Variants in ATP2C2 observed in about 807,000 individuals in gnomAD.
The protein encoded by ATP2C2 is ATPase secretory pathway Ca2+ transporting 2, also known as calcium-transporting ATPase type 2C member 2.
ATP2C2 carries 171 observed loss-of-function variants against 110.8 expected under a neutral mutation model. The ratio of observed to expected loss-of-function variants is 1.54; its 90% CI spans 1.36 to 1.75. ATP2C2 has a LOEUF of 1.75. Among genes scored for constraint, ATP2C2 ranks in the 40% most tolerant of loss-of-function variants. ATP2C2 has a pLI of 0.00. For synonymous variants in ATP2C2, 804 were observed against 508.4 expected (o/e 1.58, Z -7.82); for missense variants, 1,963 against 1,235.0 (o/e 1.59, Z -8.84).
Position 84,436,368 on chromosome 16 carries a change from C to T in ATP2C2, c.987-2798C>T, listed in dbSNP as rs112161990. On this transcript the variant is annotated intron_variant, in intron 11 of 26. Transcript: ENST00000262429. ...GAGGGCCTGGGCTCTGGGATCGCCACGTGGGCTTGCTCGCCCTGGCCGATT... is the reference window on the plus strand; with the variant it reads ...GAGGGCCTGGGCTCTGGGATCGCCATGTGGGCTTGCTCGCCCTGGCCGATT... Among the ~76,000 whole-genome samples the T allele has an allele frequency of 6.6e-3, 1,003 of 152,218 alleles. 13 individuals carry two copies. The highest frequency in any genetic ancestry group is 0.023 in the African/African-American group (962 of 41,538).
At chr16:84,448,785 C>T (rs1197992680) in intron 17 of ATP2C2, 96 bp downstream of exon 17, 8 of 1,482,508 alleles carry the variant, frequency 5.4e-6, no homozygotes, top group South Asian at 2.7e-5. Flanking sequence ...GGAGGTCACC[C>T]GTCCCAAGGA....
At chr16:84,427,070 G>A (rs555089649) in intron 11 of ATP2C2, among the ~76,000 whole-genome samples, 56 of 152,298 alleles carry the variant, frequency 3.7e-4, no homozygotes, top group African/African-American at 1.0e-3. Flanking sequence ...GCCAGGACAC[G>A]GAGGAACCAA....
intron 1 of ATP2C2, among the ~76,000 whole-genome samples, chr16:84,375,380 A>G (rs1910191578): frequency 6.6e-6 from 1 of 152,138 alleles, no homozygotes; most frequent in South Asian, 2.1e-4. Context: ...CGTCTCTACT[A>G]AAAATACAAA....
intron 1 of ATP2C2, among the ~76,000 whole-genome samples, chr16:84,394,068 T>G (rs1247845141): frequency 6.6e-6 from 1 of 151,522 alleles, no homozygotes; most frequent in Admixed American, 6.6e-5. Context: ...AGTCCTAGCT[T>G]CTCAGGAGGC....
chr16:84,408,286 T>A, intron 3 of ATP2C2, 119 bp from the exon 4 acceptor site: 1 of 926,202 alleles, frequency 1.1e-6, no homozygotes, highest in Non-Finnish European at 1.7e-6. Context: ...CACCATGGTG[T>A]TGACCTGGAA....
At chr16:84,449,235 T>C (rs988038587) in intron 17 of ATP2C2, among the ~76,000 whole-genome samples, 2 of 152,216 alleles carry the variant, frequency 1.3e-5, no homozygotes, top group East Asian at 3.8e-4. Flanking sequence ...TGGGTTGGCC[T>C]TACTGGCTCA....
At chr16:84,412,420 A>G (rs112788405) in intron 6 of ATP2C2, among the ~76,000 whole-genome samples, 62 of 76,524 alleles carry the variant, frequency 8.1e-4, no homozygotes, top group Admixed American at 1.2e-3. Context: ...GTGTCTGTGT[A>G]TGTGTGTGCG....
chr16:84,408,489 G>A lies in ATP2C2; in HGVS notation c.412G>A (p.Ala138Thr), dbSNP rs78371901. The A allele has an allele frequency of 3.8e-3, 6,146 of 1,612,442 alleles. 31 individuals carry two copies. Among genetic ancestry groups the A allele is most frequent in the Admixed American group, 0.015 (880 of 59,994 alleles). ...TKEYEDAVSI[A>T]TAVLVVVTVA... Reference sequence around the variant, plus strand: ...GGAGTATGAGGACGCCGTCAGCATCGCCACGGTGAGTTCCCTGACAGCGCT... The same window carrying A: ...GGAGTATGAGGACGCCGTCAGCATCACCACGGTGAGTTCCCTGACAGCGCT... Residue 138 changes from alanine (A) to threonine (T), a missense_variant, in exon 4 of 27, where the codon GCC becomes ACC. Ala to Thr is a moderately conservative substitution (Grantham distance 58). Coordinates refer to ENST00000262429, the MANE Select transcript of ATP2C2 (RefSeq NM_014861.4).
intron 10 of ATP2C2, among the ~76,000 whole-genome samples, chr16:84,425,232 G>A (rs183129502): frequency 5.4e-4 from 82 of 152,204 alleles, no homozygotes; most frequent in African/African-American, 1.4e-3. Context: ...TCACACCTCC[G>A]TGTCTCGTAC....
Position 84,425,796 on chromosome 16 carries a change from G to T in ATP2C2, c.981G>T (p.Gly327=). The change falls in exon 11 of 27, where the codon GGG becomes GGT. Residue 327 remains glycine (G), a synonymous_variant. Transcript: ENST00000262429. Reference sequence around the variant, plus strand: ...AACTCCTGAGTATGTTCACGATCGGGGTCAGGTAAGAGTGCTATGGCCGCC... The same window carrying T: ...AACTCCTGAGTATGTTCACGATCGGTGTCAGGTAAGAGTGCTATGGCCGCC... The part of the protein sequence containing the change: ...GKQLLSMFTI[G]VSLAVAAIPE... The T allele has an allele frequency of 1.2e-6, 2 of 1,614,034 alleles. No homozygotes were observed. Among genetic ancestry groups the T allele is most frequent in the South Asian group, 1.1e-5 (1 of 91,082 alleles).
intron 24 of ATP2C2, chr16:84,461,502 C>T (rs1911333495): frequency 3.2e-6 from 2 of 617,742 alleles, no homozygotes; most frequent in Non-Finnish European, 2.9e-6. Flanking sequence ...CTGCCCCCAT[C>T]CTCATGGTGG....
At chr16:84,387,041 G>A (rs1904351790) in intron 1 of ATP2C2, among the ~76,000 whole-genome samples, 1 of 152,162 alleles carries the variant, frequency 6.6e-6, no homozygotes, top group Non-Finnish European at 1.5e-5. Flanking sequence ...TGTGGGCAGT[G>A]GGGTTGGGGG....
chr16:84,410,960 C>G lies in ATP2C2; in HGVS notation c.515+195C>G, dbSNP rs552286286. ...TCCTCGGGCATGTCACTCAACCTCT[C>G]TGGGCCTCAGCTCCATCATCAGTGT... On this transcript the variant is annotated intron_variant, in intron 6 of 26. Coordinates refer to ENST00000262429, the MANE Select transcript of ATP2C2 (RefSeq NM_014861.4). 2.6e-4 allele frequency: 161 copies of G among 613,314 alleles called. 2 individuals carry two copies. Among genetic ancestry groups the G allele is most frequent in the African/African-American group, 2.5e-3 (136 of 54,536 alleles). The allele number at this position is 613,314 out of a possible 1,614,324, so 38.0% of individuals were successfully genotyped here.
chr16:84,397,670 AAAAC>A (rs1905079279), intron 1 of ATP2C2, among the ~76,000 whole-genome samples: 1 of 145,794 alleles, frequency 6.9e-6, no homozygotes, highest in African/African-American at 2.5e-5. Context: ...AAAAAAAAAA[AAAAC>A]TTGCTTAAAA....
In ATP2C2 at chr16:84,461,823, G is replaced by T; in HGVS notation, c.2580+11G>T. 4.3e-6 allele frequency: 7 copies of T among 1,612,842 alleles called. No homozygotes were observed. The highest frequency in any genetic ancestry group is 5.9e-6 in the Non-Finnish European group (7 of 1,178,802). On this transcript the variant is annotated intron_variant, in intron 25 of 26. Transcript: ENST00000262429. ...ACCTGCCGCTCTCAGGTGAGACCCGGGCTGACCCTCCTCGCTGCAGAGCTG... is the reference window on the plus strand; with the variant it reads ...ACCTGCCGCTCTCAGGTGAGACCCGTGCTGACCCTCCTCGCTGCAGAGCTG...
At position 84,463,989 on chromosome 16, in the gene ATP2C2, A is replaced by C; in HGVS notation, c.*257A>C. 2 of 380,754 alleles carry C rather than the reference A, an allele frequency of 5.3e-6. No homozygotes were observed. Among genetic ancestry groups the C allele is most frequent in the Non-Finnish European group, 9.5e-6 (2 of 209,540 alleles). The allele number at this position is 380,754 out of a possible 1,614,324, so 23.6% of individuals were successfully genotyped here. A position where few individuals can be genotyped will look rare whatever the true frequency, so the allele number is the denominator to read the frequency against. On this transcript the variant is annotated 3_prime_UTR_variant, in exon 27 of 27. Coordinates refer to ENST00000262429, the MANE Select transcript of ATP2C2 (RefSeq NM_014861.4). Reference sequence around the variant, plus strand: ...ACACCACACTGTTTATTAAATCACAATGATTTTTATTAACCATGTCTAACT... The same window carrying C: ...ACACCACACTGTTTATTAAATCACACTGATTTTTATTAACCATGTCTAACT...
intron 21 of ATP2C2, among the ~76,000 whole-genome samples, chr16:84,455,686 T>G (rs914855914): frequency 6.6e-6 from 1 of 151,496 alleles, no homozygotes; most frequent in Non-Finnish European, 1.5e-5. Context: ...TGAGGCTAGG[T>G]GGATCGTGCA....
chr16:84,452,092 G>C lies in ATP2C2; in HGVS notation c.1831+1G>C. On this transcript the variant is annotated splice_donor_variant, in intron 18 of 26. Transcript: ENST00000262429. LOFTEE classifies it high-confidence loss of function. ...GCCCTGGAGACGGCCTTGGCCATAG[G>C]TAACTGGGACAGGGTCGGGGGTGAG... is the stretch of plus-strand genomic sequence containing the variant. The C allele has an allele frequency of 6.2e-7, 1 of 1,614,056 alleles. No homozygotes were observed. Among genetic ancestry groups the C allele is most frequent in the Non-Finnish European group, 8.5e-7 (1 of 1,180,004 alleles).
intron 1 of ATP2C2, among the ~76,000 whole-genome samples, chr16:84,376,768 C>T (rs1281050071): frequency 1.3e-5 from 2 of 152,330 alleles, no homozygotes; most frequent in South Asian, 2.1e-4. Context: ...TCCACATACA[C>T]ATTCAGATCC....
Sources: gnomAD v4.1 joint callset for allele counts (sites outside exome capture counted in the v4.1 genomes callset) on GRCh38, gnomAD v4.1.1 for gene constraint, MANE v1.5 for transcripts, NCBI Gene and HGNC (gene_info 2026-07-23, HGNC 2026-07-21) for gene names.